The following PTPRT variants were observed in gnomAD, a reference collection of about 807,000 sequenced individuals.
The protein encoded by PTPRT is receptor-type tyrosine-protein phosphatase T.
PTPRT carries 56 observed loss-of-function variants against 176.8 expected under a neutral mutation model. The ratio of observed to expected loss-of-function variants is 0.32; its 90% CI spans 0.26 to 0.40. The LOEUF is 0.40. PTPRT is among the 10% of genes least tolerant of loss of function. The probability of loss-of-function intolerance (pLI) is 1.00; values close to 1 mark genes in which losing one functional copy is unlikely to be tolerated. For missense variants in PTPRT, 1,540 were observed against 1,908.2 expected, an observed-to-expected ratio of 0.81 and a Z score of 3.60; for synonymous variants, 783 against 739.0, an observed-to-expected ratio of 1.06 and a Z score of -0.96.
chr20:42,902,970 A>T (rs183763121), intron 1 of PTPRT, among the ~76,000 whole-genome samples: 10 of 152,336 alleles, frequency 6.6e-5, no homozygotes. Context: ...ATTGAAAGCT[A>T]TGACCTCTTT....
chr20:42,316,104 G>T (rs959266227), intron 11 of PTPRT, 108 bp from the exon 12 acceptor site: 1 of 1,272,172 alleles, frequency 7.9e-7, no homozygotes, highest in Non-Finnish European at 1.1e-6. Flanking sequence ...GCATTGGTTC[G>T]GTCTACAACA....
intron 9 of PTPRT, among the ~76,000 whole-genome samples, chr20:42,411,517 CAAAAAAAAAA>C (rs10591184): frequency 1.0e-4 from 9 of 88,302 alleles, no homozygotes; most frequent in African/African-American, 4.0e-4. Flanking sequence ...AACCCTGTCT[CAAAAAAAAAA>C]AAAAAAAAAA....
At chr20:42,193,308 G>C (rs1373551135) in intron 16 of PTPRT, among the ~76,000 whole-genome samples, 1 of 152,268 alleles carries the variant, frequency 6.6e-6, no homozygotes, top group Non-Finnish European at 1.5e-5. Flanking sequence ...CTCCATGCCA[G>C]TACCTGGCCC....
intron 1 of PTPRT, among the ~76,000 whole-genome samples, chr20:43,053,301 A>G (rs2425573): frequency 0.38 from 57,188 of 152,060 alleles, 14,143 homozygotes; most frequent in African/African-American, 0.7. Flanking sequence ...TGCCAGCATC[A>G]GTGCTCATAT....
intron 15 of PTPRT, among the ~76,000 whole-genome samples, chr20:42,205,817 T>C (rs1222802318): frequency 7.9e-5 from 12 of 151,884 alleles, no homozygotes; most frequent in Non-Finnish European, 1.3e-4. Flanking sequence ...CCATAGGAAG[T>C]GGACCAAAAA....
At chr20:42,512,588 G>A (rs957310301) in intron 7 of PTPRT, among the ~76,000 whole-genome samples, 5 of 152,064 alleles carry the variant, frequency 3.3e-5, no homozygotes, top group African/African-American at 1.2e-4. Flanking sequence ...AAATATTTGC[G>A]TATTTATTTT....
At chr20:43,167,920 G>T (rs778688823) in intron 1 of PTPRT, among the ~76,000 whole-genome samples, 10 of 152,210 alleles carry the variant, frequency 6.6e-5, no homozygotes, top group Non-Finnish European at 1.3e-4. Context: ...CCTTATGACA[G>T]ATGTTAAAAG....
At chr20:42,284,275 G>A (rs1466473996) in intron 12 of PTPRT, among the ~76,000 whole-genome samples, 2 of 151,816 alleles carry the variant, frequency 1.3e-5, no homozygotes, top group Non-Finnish European at 2.9e-5. Flanking sequence ...TAACATCCTG[G>A]TGTTTATCCG....
intron 4 of PTPRT, among the ~76,000 whole-genome samples, chr20:42,772,969 G>A (rs545438732): frequency 1.3e-5 from 2 of 152,180 alleles, no homozygotes; most frequent in African/African-American, 2.4e-5. Flanking sequence ...GCTACACAGC[G>A]CTAGTGAAAG....
At chr20:42,249,655 A>G (rs1164012467) in intron 13 of PTPRT, among the ~76,000 whole-genome samples, 1 of 152,240 alleles carries the variant, frequency 6.6e-6, no homozygotes, top group Non-Finnish European at 1.5e-5. Context: ...CAGGGCCAGA[A>G]TTCCACAGGT....
At chr20:42,627,949 A>C (rs1398562520) in intron 7 of PTPRT, among the ~76,000 whole-genome samples, 1 of 152,110 alleles carries the variant, frequency 6.6e-6, no homozygotes, top group Non-Finnish European at 1.5e-5. Flanking sequence ...GGGCACATGC[A>C]CACTTTTATA....
rs181266007 is a variant in PTPRT at position 42,548,770 on chromosome 20, C to T, written c.1154-76208G>A. The stretch of plus-strand genomic sequence containing the variant: ...CAACTCGTGAAAATTTAATAGAAAA[C>T]ACAGGAACCCTTTCTCCAAGAAACG... On this transcript the variant is annotated intron_variant, in intron 7 of 30. Coordinates refer to ENST00000373187, the MANE Select transcript of PTPRT (RefSeq NM_007050.6). 1.2e-3 allele frequency among the ~76,000 whole-genome samples: 181 copies of T among 152,086 alleles called. 1 individual carries two copies. Among genetic ancestry groups the T allele is most frequent in the African/African-American group, 4.0e-3 (166 of 41,506 alleles).
chr20:42,756,829 T>A (rs1440787932), intron 5 of PTPRT, among the ~76,000 whole-genome samples, 193 bp from the exon 6 acceptor site: 1 of 152,004 alleles, frequency 6.6e-6, no homozygotes, highest in Non-Finnish European at 1.5e-5. Context: ...GGCAGGAGGA[T>A]CATTTGAGGC....
intron 7 of PTPRT, among the ~76,000 whole-genome samples, chr20:42,649,826 C>G (rs561195745): frequency 9.2e-5 from 14 of 152,284 alleles, no homozygotes; most frequent in African/African-American, 3.1e-4. Flanking sequence ...GCATAGCACT[C>G]AAGCATCTGC....
intron 18 of PTPRT, among the ~76,000 whole-genome samples, chr20:42,134,301 A>T (rs144717782): frequency 1.6e-4 from 24 of 152,358 alleles, no homozygotes; most frequent in African/African-American, 5.5e-4. Context: ...ACATTTTGCA[A>T]GCTTGAAAAA....
At chr20:42,834,149 T>C (rs1447070098) in intron 2 of PTPRT, among the ~76,000 whole-genome samples, 4 of 152,098 alleles carry the variant, frequency 2.6e-5, no homozygotes, top group African/African-American at 7.2e-5. Context: ...TATAAAGAAC[T>C]CTCAAAGCTT....
At chr20:42,042,192 G>A in the PTPRT span, among the ~76,000 whole-genome samples, 1 of 152,250 alleles carries the variant, frequency 6.6e-6, no homozygotes, top group South Asian at 2.1e-4. Flanking sequence ...AGTGGAGCAG[G>A]GAGAATGGCT....
intron 8 of PTPRT, among the ~76,000 whole-genome samples, chr20:42,458,868 T>C (rs1437955054): frequency 6.6e-6 from 1 of 152,212 alleles, no homozygotes; most frequent in African/African-American, 2.4e-5. Flanking sequence ...GGCACTGTTC[T>C]TCTAAGTGCT....
intron 16 of PTPRT, among the ~76,000 whole-genome samples, chr20:42,171,304 G>A (rs1182613324): frequency 6.6e-6 from 1 of 152,128 alleles, no homozygotes; most frequent in East Asian, 1.9e-4. Flanking sequence ...ACACAGATAT[G>A]AGTGTAAAAA....
Sources: allele counts gnomAD v4.1 joint callset (sites outside exome capture counted in the v4.1 genomes callset), GRCh38; gene constraint gnomAD v4.1.1; transcripts MANE v1.5; gene names NCBI Gene and HGNC (gene_info 2026-07-23, HGNC 2026-07-21).